ARNT2: variants seen among roughly 807,000 people sequenced by gnomAD.
ARNT2 encodes aryl hydrocarbon receptor nuclear translocator 2, also known as ARNT protein 2.
In ARNT2, 36 loss-of-function variants were observed where a neutral mutation model predicts 91.7. The observed-to-expected ratio is 0.39, with a 90% CI of 0.30 to 0.52. The LOEUF (loss-of-function observed/expected upper bound fraction) is 0.52, where lower values mean the gene tolerates loss of function less well. ARNT2 is among the 20% of genes least tolerant of loss of function. The pLI, the probability that ARNT2 is intolerant of heterozygous loss-of-function variation, is 0.72. For missense variants in ARNT2, 775 were observed against 939.3 expected, an observed-to-expected ratio of 0.83 and a Z score of 2.29; for synonymous variants, 365 against 347.1, an observed-to-expected ratio of 1.05 and a Z score of -0.57.
chr15:80,593,778 C>CGCCCTGCTT lies in ARNT2; in HGVS notation c.*88_*96dup. 7.4e-7 allele frequency: 1 copy of CGCCCTGCTT among 1,348,632 alleles called. No individual in the cohort carries two copies. Among genetic ancestry groups the CGCCCTGCTT allele is most frequent in the Non-Finnish European group, 1.0e-6 (1 of 976,540 alleles). The allele number at this position is 1,348,632 out of a possible 1,614,324, so 83.5% of individuals were successfully genotyped here. A position where few individuals can be genotyped will look rare whatever the true frequency, so the allele number is the denominator to read the frequency against. On this transcript the variant is annotated 3_prime_UTR_variant, in exon 19 of 19. Coordinates refer to ENST00000303329, the MANE Select transcript of ARNT2 (RefSeq NM_014862.4). ...TGCCCATGTGAATGAGGCCCACCCT[C>CGCCCTGCTT]GCCCTGCTTGCCCTGCCGCAGGCCC...
rs533543923 is a variant in ARNT2 at position 80,544,564 on chromosome 15, G to A, written c.878-6635G>A. Among the ~76,000 whole-genome samples, 3 of 152,214 alleles carry A rather than the reference G, an allele frequency of 2.0e-5. No individual in the cohort carries two copies. In the South Asian group the frequency reaches 6.2e-4, roughly 32 times the overall value. On this transcript the variant is annotated intron_variant, in intron 8 of 18. Coordinates refer to ENST00000303329, the MANE Select transcript of ARNT2 (RefSeq NM_014862.4). ...ACTCCATTGTGATTTAAAAAGCAAC[G>A]ACTAAATAAAAGTTGCTCTGGTTAT...
At chr15:80,486,747 C>T (rs987425621) in intron 5 of ARNT2, among the ~76,000 whole-genome samples, 2 of 152,288 alleles carry the variant, frequency 1.3e-5, no homozygotes, top group Non-Finnish European at 2.9e-5. Flanking sequence ...TAGGAATACT[C>T]ACTGGTGTTA....
At chr15:80,545,361 G>A (rs1474547496) in intron 8 of ARNT2, among the ~76,000 whole-genome samples, 1 of 152,248 alleles carries the variant, frequency 6.6e-6, no homozygotes, top group Non-Finnish European at 1.5e-5. Flanking sequence ...AAAGGCACAT[G>A]TGTGCTGTTC....
At chr15:80,463,709 G>C (rs1270219001) in intron 3 of ARNT2, among the ~76,000 whole-genome samples, 1 of 151,870 alleles carries the variant, frequency 6.6e-6, no homozygotes, top group Non-Finnish European at 1.5e-5. Flanking sequence ...CTCCGGAGTA[G>C]CTGGGATTAC....
At chr15:80,568,368 C>G (rs1898524060) in intron 12 of ARNT2, among the ~76,000 whole-genome samples, 1 of 152,194 alleles carries the variant, frequency 6.6e-6, no homozygotes, top group Admixed American at 6.5e-5. Flanking sequence ...TCTGTTCAGG[C>G]CAAGTCCTAT....
chr15:80,515,915 G>A (rs1414016850), intron 8 of ARNT2, among the ~76,000 whole-genome samples: 3 of 149,676 alleles, frequency 2.0e-5, no homozygotes, highest in East Asian at 1.9e-4. Flanking sequence ...CATTACCCAG[G>A]CTGGAGTGCA....
At chr15:80,542,738 A>C (rs948212467) in intron 8 of ARNT2, among the ~76,000 whole-genome samples, 1 of 152,210 alleles carries the variant, frequency 6.6e-6, no homozygotes, top group African/African-American at 2.4e-5. Flanking sequence ...TTAGCCAGTC[A>C]GACCCTATTA....
chr15:80,507,463 G>T (rs776698948), intron 5 of ARNT2, among the ~76,000 whole-genome samples: 3 of 152,156 alleles, frequency 2.0e-5, no homozygotes, highest in Non-Finnish European at 4.4e-5. Context: ...GGAGGGTTTG[G>T]GGAAGAGTGG....
At chr15:80,565,626 G>A (rs933908900) in intron 12 of ARNT2, among the ~76,000 whole-genome samples, 1 of 151,498 alleles carries the variant, frequency 6.6e-6, no homozygotes, top group Non-Finnish European at 1.5e-5. Context: ...TTCTCTGGTG[G>A]TTAGCGATGA....
intron 8 of ARNT2, among the ~76,000 whole-genome samples, chr15:80,516,854 T>G: frequency 7.1e-6 from 1 of 140,724 alleles, no homozygotes; most frequent in Admixed American, 7.1e-5. Flanking sequence ...TATATATATA[T>G]ATCCATGTTC....
chr15:80,555,284 C>A, intron 11 of ARNT2, 145 bp downstream of exon 11: 1 of 732,454 alleles, frequency 1.4e-6, no homozygotes, highest in Non-Finnish European at 2.3e-6. Flanking sequence ...TAGGAAGTCA[C>A]TCACAGTCTA....
chr15:80,519,093 T>C (rs2141432076), intron 8 of ARNT2, among the ~76,000 whole-genome samples: 1 of 152,322 alleles, frequency 6.6e-6, no homozygotes, highest in Middle Eastern at 3.4e-3. Context: ...CAACACGTAT[T>C]TGTTGACCAC....
chr15:80,544,097 C>G (rs973079686), intron 8 of ARNT2, among the ~76,000 whole-genome samples: 3 of 152,178 alleles, frequency 2.0e-5, no homozygotes, highest in African/African-American at 7.2e-5. Context: ...CAGAAGTTTG[C>G]TTTGGGTCCT....
rs79485210 is a variant in ARNT2, at chr15:80,482,172, A to G, written c.622+6949A>G. On this transcript the variant is annotated intron_variant, in intron 5 of 18. Coordinates refer to ENST00000303329, the MANE Select transcript of ARNT2 (RefSeq NM_014862.4). ...CAGTCCTCCCATCTCAGCCTCCCAA[A>G]GTGCCAGGATTATAGGCATGAGCCA... is the stretch of plus-strand genomic sequence containing the variant. 4.7e-3 allele frequency among the ~76,000 whole-genome samples: 720 copies of G among 152,294 alleles called. 7 individuals carry two copies. The highest frequency in any genetic ancestry group is 0.015 in the African/African-American group (634 of 41,562).
At chr15:80,410,271 G>C (rs142853030) in intron 1 of ARNT2, among the ~76,000 whole-genome samples, 9 of 152,298 alleles carry the variant, frequency 5.9e-5, no homozygotes, top group Non-Finnish European at 1.3e-4. Flanking sequence ...TCCATCCCTT[G>C]GGCACGACAT....
At chr15:80,570,195 C>T (rs1187923578) in intron 12 of ARNT2, among the ~76,000 whole-genome samples, 3 of 152,198 alleles carry the variant, frequency 2.0e-5, no homozygotes, top group Non-Finnish European at 4.4e-5. Context: ...CCATGTCACC[C>T]GGATGTACCC....
rs1359009418 is a variant in ARNT2 at position 80,558,142 on chromosome 15, T to A, written c.1164+3003T>A. Reference sequence around the variant, plus strand: ...TTACTGACATCTTATCCTTCAGCTTTCCACTCATATTGTCTCAGGGATGCC... The same window carrying A: ...TTACTGACATCTTATCCTTCAGCTTACCACTCATATTGTCTCAGGGATGCC... On this transcript the variant is annotated intron_variant, in intron 11 of 18. Coordinates refer to ENST00000303329, the MANE Select transcript of ARNT2 (RefSeq NM_014862.4). 2.0e-5 allele frequency among the ~76,000 whole-genome samples: 3 copies of A among 152,130 alleles called. No homozygotes were observed. In the East Asian group the frequency reaches 5.8e-4, roughly 29 times the overall value.
At chr15:80,438,413 C>T (rs1431941680) in intron 1 of ARNT2, among the ~76,000 whole-genome samples, 1 of 152,144 alleles carries the variant, frequency 6.6e-6, no homozygotes, top group Non-Finnish European at 1.5e-5. Flanking sequence ...ATAAACTTGG[C>T]AACTAATTTG....
rs1322982662 is a variant in ARNT2, at chr15:80,508,234, G to T, written c.701G>T (p.Arg234Leu). Reference protein sequence around the residue: ...QSSMRMCMGSRRSFICRMRCG... With the variant: ...QSSMRMCMGSLRSFICRMRCG... ...TCCATGAGGATGTGCATGGGCTCGC[G>T]GCGGTCTTTCATCTGCAGGATGAGG... Residue 234 changes from arginine (R) to leucine (L), a missense_variant, in exon 6 of 19, where the codon CGG (arginine) becomes CTG (leucine). Around this residue, in one of 5 missense-constraint regions of ARNT2, gnomAD observed 285 missense variants for 327.2 expected, o/e 0.87. Coordinates refer to ENST00000303329, the MANE Select transcript of ARNT2 (RefSeq NM_014862.4). 6.2e-7 allele frequency: 1 copy of T among 1,614,100 alleles called. No homozygotes were observed. Among genetic ancestry groups the T allele is most frequent in the Non-Finnish European group, 8.5e-7 (1 of 1,179,970 alleles).
Sources: gnomAD v4.1 joint callset for allele counts (sites outside exome capture counted in the v4.1 genomes callset) on GRCh38, gnomAD v4.1.1 for gene constraint, gnomAD v4.1.1 regional missense constraint, MANE v1.5 for transcripts, NCBI Gene and HGNC (gene_info 2026-07-23, HGNC 2026-07-21) for gene names.